GALNTL6: variants seen among roughly 807,000 people sequenced by gnomAD.
GALNTL6 encodes the protein polypeptide N-acetylgalactosaminyltransferase-like 6.
Under a neutral mutation model 73.7 loss-of-function variants are expected in GALNTL6, and 46 were observed. That is an observed-to-expected ratio of 0.62 (90% confidence interval 0.49 to 0.80). GALNTL6 has a LOEUF of 0.80. GALNTL6 is among the 30% of genes least tolerant of loss of function. GALNTL6 has a pLI of 0.00. For missense variants in GALNTL6, 604 were observed against 755.0 expected (o/e 0.80, Z 2.34); for synonymous variants, 259 against 263.7 (o/e 0.98, Z 0.17).
chr4:171,819,953 A>G lies in GALNTL6; in HGVS notation c.138+5235A>G, dbSNP rs80253608. 9.8e-3 allele frequency among the ~76,000 whole-genome samples: 1,496 copies of G among 152,268 alleles called. 29 individuals are homozygous for G. The highest frequency in any genetic ancestry group is 0.034 in the African/African-American group (1,419 of 41,570). Reference sequence around the variant, plus strand: ...AAACAAAGGTGCAAGTGTGCAAAGAAATGGAAGGTTCTGAAGATGACAGTA... The same window carrying G: ...AAACAAAGGTGCAAGTGTGCAAAGAGATGGAAGGTTCTGAAGATGACAGTA... On this transcript the variant is annotated intron_variant, in intron 2 of 12. Transcript: ENST00000506823.
intron 2 of GALNTL6, among the ~76,000 whole-genome samples, chr4:172,210,084 A>T (rs942944710): frequency 6.6e-6 from 1 of 152,104 alleles, no homozygotes; most frequent in Non-Finnish European, 1.5e-5. Context: ...ACTTCAGCTT[A>T]TGGGTATATT....
chr4:172,057,195 C>A (rs1025496878), intron 2 of GALNTL6, among the ~76,000 whole-genome samples: 2 of 151,938 alleles, frequency 1.3e-5, no homozygotes, highest in African/African-American at 4.8e-5. Context: ...ATATCTTGAG[C>A]CCAGCAGTTC....
At chr4:172,206,790 TTGTTTTGTTTTTCTG>T (rs1560969225) in intron 2 of GALNTL6, among the ~76,000 whole-genome samples, 1 of 51,002 alleles carries the variant, frequency 2.0e-5, no homozygotes, top group Non-Finnish European at 5.5e-5. Flanking sequence ...TTGTTTTGTT[TTGTTTTGTTTTTCTG>T]TTTTTTTTGT....
At chr4:172,975,913 A>G (rs7682619) in intron 10 of GALNTL6, among the ~76,000 whole-genome samples, 20,267 of 152,126 alleles carry the variant, frequency 0.13, 1,437 homozygotes, top group African/African-American at 0.15. Flanking sequence ...GTTGGGGCGG[A>G]GGTGGCTTCC....
At chr4:171,933,575 T>G (rs1269951072) in intron 2 of GALNTL6, among the ~76,000 whole-genome samples, 1 of 152,100 alleles carries the variant, frequency 6.6e-6, no homozygotes, top group Non-Finnish European at 1.5e-5. Flanking sequence ...ATATATAGTT[T>G]ATTAGGGATT....
At chr4:172,627,679 A>C (rs1210821656) in intron 5 of GALNTL6, among the ~76,000 whole-genome samples, 2 of 151,840 alleles carry the variant, frequency 1.3e-5, no homozygotes, top group East Asian at 1.9e-4. Flanking sequence ...TCAATTTTGA[A>C]ACTTGATACT....
At chr4:172,236,131 C>T (rs1354293927) in intron 3 of GALNTL6, among the ~76,000 whole-genome samples, 1 of 152,134 alleles carries the variant, frequency 6.6e-6, no homozygotes. Flanking sequence ...CATTGCACTG[C>T]TGTGTGATCC....
chr4:172,858,340 A>G (rs1276008197), intron 7 of GALNTL6, among the ~76,000 whole-genome samples: 2 of 152,174 alleles, frequency 1.3e-5, no homozygotes, highest in Non-Finnish European at 2.9e-5. Flanking sequence ...AGTAAACATA[A>G]CCTGCAAAAA....
chr4:172,201,527 G>GTT (rs202238020), intron 2 of GALNTL6, among the ~76,000 whole-genome samples: 2 of 148,606 alleles, frequency 1.3e-5, no homozygotes, highest in African/African-American at 5.0e-5. Context: ...TTTGTTTTTT[G>GTT]TTTTTGTTTT....
chr4:172,005,729 TTTCCAGGAA>T (rs1740823339), intron 2 of GALNTL6, among the ~76,000 whole-genome samples: 1 of 152,176 alleles, frequency 6.6e-6, no homozygotes, highest in South Asian at 2.1e-4. Flanking sequence ...AATTTTTACT[TTTCCAGGAA>T]TTTTAAACTG....
At chr4:172,552,855 A>C (rs1431328543) in intron 5 of GALNTL6, among the ~76,000 whole-genome samples, 1 of 150,476 alleles carries the variant, frequency 6.6e-6, no homozygotes, top group Non-Finnish European at 1.5e-5. Flanking sequence ...AAAAAAAAAA[A>C]AAGGTAAAAA....
At chr4:172,267,294 C>T (rs968792740) in intron 3 of GALNTL6, among the ~76,000 whole-genome samples, 1 of 152,008 alleles carries the variant, frequency 6.6e-6, no homozygotes, top group Non-Finnish European at 1.5e-5. Context: ...CATTTGTGTA[C>T]AGTCATGAAA....
chr4:171,976,889 G>C (rs1023341273), intron 2 of GALNTL6, among the ~76,000 whole-genome samples: 4 of 152,180 alleles, frequency 2.6e-5, no homozygotes, highest in Non-Finnish European at 5.9e-5. Flanking sequence ...AGAAAAATCA[G>C]TTTTAACCAT....
intron 5 of GALNTL6, among the ~76,000 whole-genome samples, chr4:172,482,817 C>A: frequency 1.3e-5 from 2 of 152,190 alleles, no homozygotes; most frequent in East Asian, 3.8e-4. Flanking sequence ...ATTACTGTAT[C>A]TTAAGTGTCT....
In GALNTL6 at chr4:172,179,118, G is replaced by A. The variant is rs1409483252; in HGVS notation, c.139-50538G>A. Reference sequence around the variant, plus strand: ...GTGAATTATGCTGCAATAAACATACGTGTGCATGTGTCTTTATAGCAGCAT... The same window carrying A: ...GTGAATTATGCTGCAATAAACATACATGTGCATGTGTCTTTATAGCAGCAT... On this transcript the variant is annotated intron_variant, in intron 2 of 12. Coordinates refer to ENST00000506823, the MANE Select transcript of GALNTL6 (RefSeq NM_001034845.3). Among the ~76,000 whole-genome samples the A allele has an allele frequency of 2.1e-4, 31 of 146,214 alleles. 1 individual carries two copies. In the East Asian group the frequency reaches 3.0e-3, roughly 14 times the overall value.
intron 2 of GALNTL6, among the ~76,000 whole-genome samples, chr4:172,002,725 T>C (rs985871502): frequency 6.6e-6 from 1 of 152,144 alleles, no homozygotes; most frequent in Non-Finnish European, 1.5e-5. Flanking sequence ...AATGTTTCAT[T>C]GGTCCTGATT....
chr4:172,942,636 C>T (rs1748969000), intron 9 of GALNTL6, among the ~76,000 whole-genome samples: 1 of 152,164 alleles, frequency 6.6e-6, no homozygotes, highest in Non-Finnish European at 1.5e-5. Flanking sequence ...ACCCACTTGT[C>T]AGAAGCATAC....
intron 6 of GALNTL6, among the ~76,000 whole-genome samples, chr4:172,810,139 C>T (rs1315383751): frequency 6.6e-6 from 1 of 152,166 alleles, no homozygotes; most frequent in African/African-American, 2.4e-5. Flanking sequence ...ACATAGATTC[C>T]TTCTAACACA....
At chr4:172,922,446 C>G (rs886117263) in intron 8 of GALNTL6, among the ~76,000 whole-genome samples, 1 of 152,036 alleles carries the variant, frequency 6.6e-6, no homozygotes, top group Non-Finnish European at 1.5e-5. Context: ...ACACTAATAC[C>G]TAAATCCATC....
Sources: allele counts gnomAD v4.1 joint callset (sites outside exome capture counted in the v4.1 genomes callset), GRCh38; gene constraint gnomAD v4.1.1; transcripts MANE v1.5; gene names NCBI Gene and HGNC (gene_info 2026-07-23, HGNC 2026-07-21).